Variants in LARGE1 observed in about 807,000 individuals in gnomAD.
LARGE1 encodes LARGE xylosyl- and glucuronyltransferase 1.
Under a neutral mutation model 87.6 loss-of-function variants are expected in LARGE1, and 43 were observed. That is an observed-to-expected ratio of 0.49 (90% CI 0.38 to 0.63). The LOEUF is 0.63. Ranked by LOEUF, LARGE1 falls within the 30% of genes least tolerant of loss-of-function variation. LARGE1 has a pLI of 0.00. For missense variants in LARGE1, 802 were observed against 1,000.2 expected, an observed-to-expected ratio of 0.80 and a Z score of 2.67; for synonymous variants, 434 against 394.6, an observed-to-expected ratio of 1.10 and a Z score of -1.18.
intron 10 of LARGE1, among the ~76,000 whole-genome samples, chr22:33,334,435 A>C (rs184546520): frequency 0.12 from 17,062 of 144,746 alleles, 2,994 homozygotes; most frequent in African/African-American, 0.37. Flanking sequence ...AAAAAAAAAA[A>C]CACCAAACAA....
the LARGE1 span, among the ~76,000 whole-genome samples, chr22:33,113,985 C>T: frequency 2.6e-5 from 4 of 151,812 alleles, no homozygotes; most frequent in Non-Finnish European, 5.9e-5. Context: ...ATTCTCCTGC[C>T]TCAGCCTCCC....
chr22:33,228,780 C>T (rs1419300510), intron 11 of LARGE1, among the ~76,000 whole-genome samples: 12 of 152,048 alleles, frequency 7.9e-5, no homozygotes, highest in Non-Finnish European at 1.8e-4. Context: ...GGGGTCTTAT[C>T]AATCAGTGGC....
intron 2 of LARGE1, among the ~76,000 whole-genome samples, chr22:33,665,249 C>G (rs1260376580): frequency 6.6e-6 from 1 of 152,228 alleles, no homozygotes; most frequent in Non-Finnish European, 1.5e-5. Context: ...TCACAACACT[C>G]TCCTCAAGTA....
chr22:33,687,545 C>T lies in LARGE1; in HGVS notation c.107-36877G>A, dbSNP rs114835639. Among the ~76,000 whole-genome samples, 340 of 152,238 alleles carry T rather than the reference C, an allele frequency of 2.2e-3. 1 individual carries two copies. The highest frequency in any genetic ancestry group is 7.8e-3 in the African/African-American group (326 of 41,546). On this transcript the variant is annotated intron_variant, in intron 2 of 14. Coordinates refer to ENST00000397394, the MANE Select transcript of LARGE1 (RefSeq NM_133642.5). ...AACAACAGGGAGCACAGAGTAGGCA[C>T]GAAGCAGACATTTGTTGAATGAGTG...
At chr22:33,905,153 C>T (rs924226917) in intron 1 of LARGE1, among the ~76,000 whole-genome samples, 7 of 145,700 alleles carry the variant, frequency 4.8e-5, no homozygotes, top group South Asian at 2.3e-4. Flanking sequence ...GTACCCTCAA[C>T]TTCCTGGGCA....
chr22:33,919,743 C>T (rs1426664575), intron 1 of LARGE1, among the ~76,000 whole-genome samples: 1 of 152,250 alleles, frequency 6.6e-6, no homozygotes, highest in Non-Finnish European at 1.5e-5. Context: ...GAAACTCCTC[C>T]TGGCTCGCTC....
At chr22:33,920,632 G>A (rs1444689604), upstream of LARGE1, among the ~76,000 whole-genome samples, 2 of 143,816 alleles carry the variant, frequency 1.4e-5, no homozygotes, top group Non-Finnish European at 3.1e-5. Context: ...CGGGGGCGCG[G>A]GGCTAGGGGA....
intron 1 of LARGE1, among the ~76,000 whole-genome samples, chr22:33,848,495 G>A (rs1447188254): frequency 2.0e-5 from 3 of 151,942 alleles, no homozygotes; most frequent in Non-Finnish European, 4.4e-5. Context: ...ATTCCCTCCA[G>A]CACCCACAAT....
intron 6 of LARGE1, among the ~76,000 whole-genome samples, chr22:33,495,643 TG>T (rs2070075936): frequency 6.6e-6 from 1 of 151,948 alleles, no homozygotes; most frequent in African/African-American, 2.4e-5. Flanking sequence ...TGCTTGAACC[TG>T]GGAGGCGGAG....
chr22:33,766,581 C>T (rs1807607), intron 1 of LARGE1, among the ~76,000 whole-genome samples: 59,855 of 151,582 alleles, frequency 0.39, 12,040 homozygotes, highest in Middle Eastern at 0.44. Context: ...CCAGGCACCA[C>T]GTCCAGCTAT....
At chr22:33,631,520 C>T (rs60066761) in intron 3 of LARGE1, among the ~76,000 whole-genome samples, 2,705 of 152,192 alleles carry the variant, frequency 0.018, 82 homozygotes, top group African/African-American at 0.062. Flanking sequence ...TAGGCCTACA[C>T]GGAGTCAGAA....
intron 6 of LARGE1, among the ~76,000 whole-genome samples, chr22:33,445,785 G>A (rs1056657311): frequency 6.6e-6 from 1 of 152,050 alleles, no homozygotes; most frequent in East Asian, 1.9e-4. Context: ...GAGTAGCTGG[G>A]ATTATAGGCG....
At chr22:33,689,813 G>C (rs2082046719) in intron 2 of LARGE1, among the ~76,000 whole-genome samples, 1 of 152,028 alleles carries the variant, frequency 6.6e-6, no homozygotes, top group African/African-American at 2.4e-5. Flanking sequence ...TGTAATCCCA[G>C]CTACTCGGGA....
At position 33,663,139 on chromosome 22, in the gene LARGE1, G is replaced by A. The variant is rs748025781; in HGVS notation, c.107-12471C>T. 3.9e-5 allele frequency among the ~76,000 whole-genome samples: 6 copies of A among 152,018 alleles called. No individual in the cohort carries two copies. The East Asian group carries it at 5.8e-4, about 15-fold the overall frequency. On this transcript the variant is annotated intron_variant, in intron 2 of 14. Coordinates refer to ENST00000397394, the MANE Select transcript of LARGE1 (RefSeq NM_133642.5). ...TCAGAATGAGGAATGAGGTTTTATCGAAACCGATCAGGGAGAGAGGGGAAT... is the reference window on the plus strand; with the variant it reads ...TCAGAATGAGGAATGAGGTTTTATCAAAACCGATCAGGGAGAGAGGGGAAT...
intron 1 of LARGE1, among the ~76,000 whole-genome samples, chr22:33,772,118 G>C (rs578244309): frequency 2.0e-4 from 30 of 152,194 alleles, no homozygotes; most frequent in Non-Finnish European, 2.5e-4. Flanking sequence ...TGGATCACGA[G>C]GTCGGGAGAC....
At chr22:33,915,586 T>A (rs1336856342) in intron 1 of LARGE1, among the ~76,000 whole-genome samples, 1 of 152,176 alleles carries the variant, frequency 6.6e-6, no homozygotes, top group African/African-American at 2.4e-5. Flanking sequence ...TTGCTAATAG[T>A]TTTTTAAAGA....
intron 6 of LARGE1, among the ~76,000 whole-genome samples, chr22:33,533,381 C>T (rs2076951591): frequency 6.6e-6 from 1 of 152,162 alleles, no homozygotes; most frequent in South Asian, 2.1e-4. Flanking sequence ...CATTCGAGCA[C>T]CTTCCTTTTT....
chr22:33,555,404 T>C (rs559333301), intron 6 of LARGE1, among the ~76,000 whole-genome samples: 2 of 151,544 alleles, frequency 1.3e-5, no homozygotes, highest in African/African-American at 2.4e-5. Context: ...TGAGTCCTCT[T>C]GAAAAAAAAA....
At chr22:33,342,110 T>G (rs1187309025) in intron 9 of LARGE1, among the ~76,000 whole-genome samples, 2 of 152,212 alleles carry the variant, frequency 1.3e-5, no homozygotes, top group African/African-American at 4.8e-5. Flanking sequence ...AGAACACATT[T>G]GATCTGGGCA....
Sources: gnomAD v4.1 joint callset for allele counts (sites outside exome capture counted in the v4.1 genomes callset) on GRCh38, gnomAD v4.1.1 for gene constraint, MANE v1.5 for transcripts, NCBI Gene and HGNC (gene_info 2026-07-23, HGNC 2026-07-21) for gene names.